Variants in CDH18 observed in about 807,000 individuals in gnomAD.
CDH18 encodes the protein cadherin-18.
Under a neutral mutation model 67.9 loss-of-function variants are expected in CDH18, and 31 were observed. That is an observed-to-expected ratio of 0.46 (90% CI 0.34 to 0.62). The LOEUF is 0.62. Ranked by LOEUF, CDH18 falls within the 20% of genes least tolerant of loss-of-function variation. The probability of loss-of-function intolerance (pLI) is 0.01; values close to 1 mark genes in which losing one functional copy is unlikely to be tolerated. For missense variants in CDH18, 890 were observed against 975.5 expected (o/e 0.91, Z 1.17); for synonymous variants, 362 against 347.2 (o/e 1.04, Z -0.48).
At chr5:19,920,086 C>T (rs745569962) in intron 2 of CDH18, among the ~76,000 whole-genome samples, 3 of 152,124 alleles carry the variant, frequency 2.0e-5, no homozygotes, top group Non-Finnish European at 2.9e-5. Flanking sequence ...GCAGACACAA[C>T]ATTAGGAAGC....
chr5:19,672,620 T>C (rs543461234), intron 5 of CDH18, among the ~76,000 whole-genome samples: 3 of 152,064 alleles, frequency 2.0e-5, no homozygotes, highest in South Asian at 4.1e-4. Context: ...CACTGGTCTA[T>C]GGTATTAATA....
intron 1 of CDH18, among the ~76,000 whole-genome samples, chr5:20,370,617 G>C (rs1742903071): frequency 6.6e-6 from 1 of 152,226 alleles, no homozygotes; most frequent in South Asian, 2.1e-4. Flanking sequence ...TTTATGTGCA[G>C]TAAGCCATTG....
chr5:19,666,237 T>TTTTTTATTATTA (rs760209482), intron 5 of CDH18, among the ~76,000 whole-genome samples: 8 of 128,162 alleles, frequency 6.2e-5, no homozygotes, highest in African/African-American at 1.6e-4. Context: ...CTGTATGATT[T>TTTTTTATTATTA]TTATTATTAT....
intron 2 of CDH18, among the ~76,000 whole-genome samples, chr5:19,891,543 A>T (rs984092130): frequency 1.3e-5 from 2 of 152,194 alleles, no homozygotes; most frequent in Non-Finnish European, 2.9e-5. Flanking sequence ...AATACAACTT[A>T]TAACAGCCCC....
intron 1 of CDH18, among the ~76,000 whole-genome samples, chr5:20,266,265 A>G (rs1344008764): frequency 1.7e-5 from 2 of 121,096 alleles, no homozygotes; most frequent in Admixed American, 8.4e-5. Flanking sequence ...GAACCCTGAC[A>G]CTAGAGAATG....
At chr5:19,767,831 T>C (rs531259302) in intron 3 of CDH18, among the ~76,000 whole-genome samples, 1 of 152,192 alleles carries the variant, frequency 6.6e-6, no homozygotes, top group South Asian at 2.1e-4. Flanking sequence ...ACTTGGGAAA[T>C]TGACCAAAAT....
At chr5:20,073,996 T>G (rs1743707695) in intron 2 of CDH18, among the ~76,000 whole-genome samples, 1 of 152,098 alleles carries the variant, frequency 6.6e-6, no homozygotes, top group South Asian at 2.1e-4. Context: ...TGACCATTGA[T>G]GTTGGGCTGA....
intron 1 of CDH18, among the ~76,000 whole-genome samples, chr5:20,521,366 T>C (rs1755732011): frequency 6.6e-6 from 1 of 152,154 alleles, no homozygotes; most frequent in Admixed American, 6.6e-5. Context: ...CCACAAAGTG[T>C]TTCAGAAGAA....
rs530012514 is a variant in CDH18, at chr5:20,531,517, A to G, written c.-580+43945T>C. The stretch of plus-strand genomic sequence containing the variant: ...TGCCCATCAATGATAGACTTGATAA[A>G]GAAAACATGATACATATACACCATG... On this transcript the variant is annotated intron_variant, in intron 1 of 14. Transcript: ENST00000507958. Among the ~76,000 whole-genome samples, 465 of 152,216 alleles carry G rather than the reference A, an allele frequency of 3.1e-3. 5 individuals carry two copies. The highest frequency in any genetic ancestry group is 2.5e-3 in the Non-Finnish European group (169 of 68,026).
chr5:19,709,008 AT>A (rs1212249143), intron 5 of CDH18, among the ~76,000 whole-genome samples: 1 of 148,582 alleles, frequency 6.7e-6, no homozygotes. Context: ...ACTCTGTTAA[AT>A]AAATAAATAA....
chr5:20,321,865 T>C (rs1248650648), intron 1 of CDH18, among the ~76,000 whole-genome samples: 1 of 152,150 alleles, frequency 6.6e-6, no homozygotes, highest in Non-Finnish European at 1.5e-5. Context: ...GCAAGACCAA[T>C]GTCCAACCCT....
chr5:19,855,651 G>A (rs1784204177), intron 2 of CDH18, among the ~76,000 whole-genome samples: 4 of 152,216 alleles, frequency 2.6e-5, no homozygotes, highest in Middle Eastern at 3.4e-3. Context: ...GGTGCTTGAG[G>A]TGGTGAGAAG....
rs529836597 is a variant in CDH18, at chr5:20,361,428, T to C, written c.-579-105923A>G. Among the ~76,000 whole-genome samples, 8 of 152,218 alleles carry C rather than the reference T, an allele frequency of 5.3e-5. No homozygotes were observed. In the East Asian group the frequency reaches 1.4e-3, roughly 26 times the overall value. Reference sequence around the variant, plus strand: ...ATATGGTCCAATTTAATGTCTTCAATTGGAGTATTGCTATTACTGTTTGAT... The same window carrying C: ...ATATGGTCCAATTTAATGTCTTCAACTGGAGTATTGCTATTACTGTTTGAT... On this transcript the variant is annotated intron_variant, in intron 1 of 14. Coordinates refer to the CDH18 transcript ENST00000507958.
chr5:20,493,522 G>A (rs549020422), intron 1 of CDH18, among the ~76,000 whole-genome samples: 10 of 152,104 alleles, frequency 6.6e-5, no homozygotes, highest in African/African-American at 1.7e-4. Flanking sequence ...ACCATCATTT[G>A]CATAAGGCAG....
intron 1 of CDH18, among the ~76,000 whole-genome samples, chr5:20,378,993 G>C (rs1743689330): frequency 1.3e-5 from 2 of 152,102 alleles, no homozygotes; most frequent in African/African-American, 4.8e-5. Context: ...AGTTGGCTGA[G>C]TGGCAACAAT....
intron 2 of CDH18, among the ~76,000 whole-genome samples, chr5:19,928,868 T>C (rs770359188): frequency 1.3e-5 from 2 of 152,266 alleles, no homozygotes; most frequent in Middle Eastern, 3.4e-3. Flanking sequence ...GTCTTATAGA[T>C]GATGACTAGC....
chr5:19,483,824 A>C (rs1433741491), intron 11 of CDH18, among the ~76,000 whole-genome samples: 1 of 152,192 alleles, frequency 6.6e-6, no homozygotes, highest in Non-Finnish European at 1.5e-5. Context: ...TTGGACATGG[A>C]CCTAATAGCT....
At chr5:20,339,422 T>C (rs1225435250) in intron 1 of CDH18, among the ~76,000 whole-genome samples, 1 of 152,126 alleles carries the variant, frequency 6.6e-6, no homozygotes, top group Non-Finnish European at 1.5e-5. Flanking sequence ...AACCCAGACC[T>C]CTTTCAATGC....
chr5:20,534,503 G>A (rs1756600468), intron 1 of CDH18, among the ~76,000 whole-genome samples: 1 of 151,902 alleles, frequency 6.6e-6, no homozygotes, highest in Non-Finnish European at 1.5e-5. Flanking sequence ...TCTTCATGAA[G>A]GCAATCAACT....
Sources: gnomAD v4.1 joint callset for allele counts (sites outside exome capture counted in the v4.1 genomes callset) on GRCh38, gnomAD v4.1.1 for gene constraint, MANE v1.5 for transcripts, NCBI Gene and HGNC (gene_info 2026-07-23, HGNC 2026-07-21) for gene names.